The following TAF3 variants were observed in gnomAD, a reference collection of about 807,000 sequenced individuals.
The protein encoded by TAF3 is TATA-box binding protein associated factor 3.
TAF3 carries 7 observed loss-of-function variants against 80.6 expected under a neutral mutation model. The ratio of observed to expected loss-of-function variants is 0.09; its 90% confidence interval spans 0.05 to 0.16. The LOEUF is 0.16. TAF3 is among the 10% of genes least tolerant of loss of function. The probability of loss-of-function intolerance (pLI) is 1.00; values close to 1 mark genes in which losing one functional copy is unlikely to be tolerated. For synonymous variants in TAF3, 444 were observed against 446.1 expected (o/e 1.00, Z 0.06); for missense variants, 921 against 1,140.2 (o/e 0.81, Z 2.77).
At chr10:7,952,762 T>C (rs1441431262) in intron 2 of TAF3, among the ~76,000 whole-genome samples, 4 of 152,338 alleles carry the variant, frequency 2.6e-5, no homozygotes, top group Admixed American at 2.0e-4. Flanking sequence ...GTATGAATTG[T>C]CATTGCCTAA....
At chr10:8,013,482 TACAAA>T (rs1564384080) in intron 5 of TAF3, among the ~76,000 whole-genome samples, 1 of 152,210 alleles carries the variant, frequency 6.6e-6, no homozygotes, top group Non-Finnish European at 1.5e-5. Flanking sequence ...TTTTATGACT[TACAAA>T]AGAAAGCTTA....
At chr10:7,901,767 G>A (rs1156641681) in intron 2 of TAF3, among the ~76,000 whole-genome samples, 1 of 152,138 alleles carries the variant, frequency 6.6e-6, no homozygotes. Context: ...GGTATTAAAA[G>A]CACTTTACAG....
At chr10:7,869,677 T>G (rs1252608282) in intron 2 of TAF3, among the ~76,000 whole-genome samples, 1 of 152,238 alleles carries the variant, frequency 6.6e-6, no homozygotes. Flanking sequence ...TTTTAAGCTT[T>G]TGATACATAT....
At chr10:7,850,439 G>A (rs1346575275) in intron 2 of TAF3, among the ~76,000 whole-genome samples, 1 of 152,200 alleles carries the variant, frequency 6.6e-6, no homozygotes, top group East Asian at 1.9e-4. Context: ...ACTTTGGGAG[G>A]CTGAGGTGGA....
At chr10:7,996,001 T>C (rs1242956389) in intron 4 of TAF3, among the ~76,000 whole-genome samples, 1 of 152,244 alleles carries the variant, frequency 6.6e-6, no homozygotes, top group African/African-American at 2.4e-5. Flanking sequence ...ACTGGTACTC[T>C]AAATATAATT....
At chr10:8,012,039 G>A (rs1050556026) in intron 5 of TAF3, among the ~76,000 whole-genome samples, 1 of 152,066 alleles carries the variant, frequency 6.6e-6, no homozygotes, top group Middle Eastern at 3.2e-3. Flanking sequence ...TGGCTGGGCA[G>A]GGTGACATGT....
In TAF3 at chr10:7,965,445, T is replaced by C; in HGVS notation, c.1935T>C (p.Asp645=). The C allele has an allele frequency of 1.9e-6, 3 of 1,613,258 alleles. No homozygotes were observed. Among genetic ancestry groups the C allele is most frequent in the Non-Finnish European group, 2.5e-6 (3 of 1,179,838 alleles). Residue 645 remains aspartate (D), a synonymous_variant, in exon 3 of 7, where the codon GAT becomes GAC. Coordinates refer to ENST00000344293, the MANE Select transcript of TAF3 (RefSeq NM_031923.4). ...KEKVKDKGRE[D]KMKAPAPPLV... ...AAGTGAAAGATAAAGGCAGAGAAGA[T>C]AAGATGAAAGCCCCAGCACCCCCAC...
intron 2 of TAF3, among the ~76,000 whole-genome samples, chr10:7,933,654 A>T (rs1047593432): frequency 2.8e-4 from 43 of 152,376 alleles, no homozygotes; most frequent in African/African-American, 8.7e-4. Flanking sequence ...ACGTTTGCAC[A>T]TGCACATATA....
intron 2 of TAF3, among the ~76,000 whole-genome samples, chr10:7,842,409 G>A (rs112376924): frequency 7.9e-5 from 12 of 151,862 alleles, no homozygotes; most frequent in South Asian, 2.1e-4. Flanking sequence ...GTCTTCCAGC[G>A]TTGGCCTCCC....
intron 2 of TAF3, among the ~76,000 whole-genome samples, chr10:7,955,972 A>G (rs757867946): frequency 2.6e-5 from 4 of 152,314 alleles, no homozygotes; most frequent in Middle Eastern, 6.8e-3. Context: ...AAGGAATTTG[A>G]CAATTGTTCT....
intron 4 of TAF3, among the ~76,000 whole-genome samples, chr10:7,989,752 C>T (rs1477312496): frequency 6.6e-6 from 1 of 151,984 alleles, no homozygotes; most frequent in Non-Finnish European, 1.5e-5. Context: ...AATATCTCGG[C>T]GTTTGGTATA....
chr10:7,876,850 T>C (rs1184272291), intron 2 of TAF3, among the ~76,000 whole-genome samples: 1 of 152,190 alleles, frequency 6.6e-6, no homozygotes, highest in Non-Finnish European at 1.5e-5. Flanking sequence ...GGGAAGTGCA[T>C]GATTCTTCCT....
At chr10:7,975,092 A>AG in intron 3 of TAF3, 1 of 298,972 alleles carries the variant, frequency 3.3e-6, no homozygotes, top group Non-Finnish European at 6.6e-6. Context: ...AAAAAAAAAA[A>AG]GAGTGAGATG....
At chr10:7,931,069 A>G (rs766657597) in intron 2 of TAF3, among the ~76,000 whole-genome samples, 1 of 152,200 alleles carries the variant, frequency 6.6e-6, no homozygotes, top group African/African-American at 2.4e-5. Flanking sequence ...ATCTAATACT[A>G]TAATAATAGT....
At chr10:7,909,316 C>T (rs1336640292) in intron 2 of TAF3, among the ~76,000 whole-genome samples, 1 of 152,158 alleles carries the variant, frequency 6.6e-6, no homozygotes. Context: ...GTACATGCAC[C>T]CTAGTCAGGA....
At chr10:7,992,285 CT>C (rs1398915639) in intron 4 of TAF3, among the ~76,000 whole-genome samples, 7 of 152,196 alleles carry the variant, frequency 4.6e-5, no homozygotes, top group Admixed American at 2.6e-4. Flanking sequence ...AGACAACACT[CT>C]CTGGGTTTAC....
At chr10:7,966,264 G>A (rs757279860) in intron 3 of TAF3, among the ~76,000 whole-genome samples, 22 of 152,294 alleles carry the variant, frequency 1.4e-4, no homozygotes, top group South Asian at 6.2e-4. Context: ...AGAACTTTCC[G>A]TAGCATCTTT....
intron 2 of TAF3, among the ~76,000 whole-genome samples, chr10:7,944,625 A>C (rs1235111011): frequency 6.6e-6 from 1 of 152,198 alleles, no homozygotes; most frequent in Non-Finnish European, 1.5e-5. Flanking sequence ...TTGAATAATT[A>C]CTCAAATAAT....
chr10:8,008,567 C>T (rs1390009748), intron 4 of TAF3, among the ~76,000 whole-genome samples: 1 of 152,144 alleles, frequency 6.6e-6, no homozygotes, highest in Non-Finnish European at 1.5e-5. Flanking sequence ...CAGCTTAGGC[C>T]AGGTTAGGTT....
Sources: gnomAD v4.1 joint callset for allele counts (sites outside exome capture counted in the v4.1 genomes callset) on GRCh38, gnomAD v4.1.1 for gene constraint, MANE v1.5 for transcripts, NCBI Gene and HGNC (gene_info 2026-07-23, HGNC 2026-07-21) for gene names.